NF1: variants seen among roughly 807,000 people sequenced by gnomAD.
The protein encoded by NF1 is neurofibromin.
NF1 carries 122 observed loss-of-function variants against 325.7 expected under a neutral mutation model. The observed-to-expected ratio is 0.37, with a 90% CI of 0.32 to 0.44. The LOEUF is 0.44. Among genes scored for constraint, NF1 ranks in the 20% least tolerant of loss-of-function variants. NF1 has a pLI of 1.00. For synonymous variants in NF1, 1,091 were observed against 1,186.0 expected (o/e 0.92, Z 1.65); for missense variants, 2,140 against 3,415.4 (o/e 0.63, Z 9.31).
chr17:31,324,194 G>A (rs1288295852), intron 36 of NF1, among the ~76,000 whole-genome samples: 2 of 152,062 alleles, frequency 1.3e-5, no homozygotes, highest in Non-Finnish European at 2.9e-5. Flanking sequence ...AGCCTCCCAA[G>A]TAGCTGGGGC....
At chr17:31,224,994 G>T (rs751803753) in intron 16 of NF1, 101 bp from the exon 17 acceptor site, 102 of 1,311,088 alleles carry the variant, frequency 7.8e-5, no homozygotes, top group Non-Finnish European at 8.4e-5. Context: ...GAGAGGAGAG[G>T]TTTTTTAGGA....
intron 8 of NF1, among the ~76,000 whole-genome samples, chr17:31,194,028 A>G (rs2066393179): frequency 6.6e-6 from 1 of 152,188 alleles, no homozygotes; most frequent in Non-Finnish European, 1.5e-5. Context: ...CCAACAATTC[A>G]TTACTGGACG....
chr17:31,264,411 C>CAA (rs777973376), intron 35 of NF1, among the ~76,000 whole-genome samples: 17 of 104,886 alleles, frequency 1.6e-4, no homozygotes, highest in Non-Finnish European at 2.9e-4. Flanking sequence ...AACTCCATCT[C>CAA]AAAAAAAAAA....
At chr17:31,259,679 G>T (rs1437402234) in intron 33 of NF1, among the ~76,000 whole-genome samples, 1 of 152,070 alleles carries the variant, frequency 6.6e-6, no homozygotes, top group Non-Finnish European at 1.5e-5. Context: ...TGAGTTATTG[G>T]TCTATCTGTA....
At chr17:31,159,182 G>A (rs1490596662) in intron 3 of NF1, 89 bp downstream of exon 3, 2 of 928,502 alleles carry the variant, frequency 2.2e-6, no homozygotes, top group East Asian at 4.9e-5. Flanking sequence ...GGACCAAGAG[G>A]ACAGTCCTAT....
intron 1 of NF1, among the ~76,000 whole-genome samples, chr17:31,114,102 A>C (rs908972756): frequency 1.3e-5 from 2 of 152,244 alleles, no homozygotes; most frequent in Non-Finnish European, 2.9e-5. Context: ...GAATTGATTT[A>C]TAAACTTGCC....
chr17:31,232,142 A>G lies in NF1; in HGVS notation c.3267A>G (p.Glu1089=), dbSNP rs1156280518. The change falls in exon 25 of 58, where the codon GAA becomes GAG. Residue 1089 remains glutamate, a synonymous_variant. Coordinates refer to ENST00000358273, the MANE Select transcript of NF1 (RefSeq NM_001042492.3). ...CTGGTCTCCCTCTGCAGCCTGAAGA[A>G]GGAGATGGTGTGGAATTGATGGAAG... ...LLAGLPLQPE[E]GDGVELMEAK... is the part of the protein sequence containing the mutation. 1 of 1,610,828 alleles carries G rather than the reference A, an allele frequency of 6.2e-7. No individual in the cohort carries two copies. Among genetic ancestry groups the G allele is most frequent in the Admixed American group, 1.7e-5 (1 of 59,768 alleles).
intron 48 of NF1, among the ~76,000 whole-genome samples, chr17:31,345,096 C>T (rs1041174491): frequency 1.1e-4 from 16 of 152,132 alleles, no homozygotes; most frequent in African/African-American, 3.9e-4. Context: ...GCACTCCAGC[C>T]TTTGTGACAG....
intron 46 of NF1, among the ~76,000 whole-genome samples, chr17:31,340,060 A>G (rs2069776637): frequency 6.6e-6 from 1 of 152,218 alleles, no homozygotes; most frequent in African/African-American, 2.4e-5. Context: ...TTTTAAGCAG[A>G]CAAGTCATAC....
At position 31,358,627 on chromosome 17, in the gene NF1, A is replaced by G; in HGVS notation, c.8113+5A>G. 1.9e-6 allele frequency: 3 copies of G among 1,614,040 alleles called. No individual in the cohort carries two copies. The highest frequency in any genetic ancestry group is 2.5e-6 in the Non-Finnish European group (3 of 1,179,932). On this transcript the variant is annotated splice_donor_5th_base_variant and intron_variant, in intron 55 of 57. Coordinates refer to ENST00000358273, the MANE Select transcript of NF1 (RefSeq NM_001042492.3). ...ACCAAACATCTTACCTGCAAAGTAAATAAATGTATCTGGAGAAGGATGGTT... is the reference window on the plus strand; with the variant it reads ...ACCAAACATCTTACCTGCAAAGTAAGTAAATGTATCTGGAGAAGGATGGTT...
chr17:31,232,064 T>A lies in NF1; in HGVS notation c.3198-9T>A, dbSNP rs1316749264. ...CTAAATTTTTTTTTTTTTTTTTTTT[T>A]TTTTTCAGAGATTTGGACCAGGCAA... On this transcript the variant is annotated splice_polypyrimidine_tract_variant and intron_variant, in intron 24 of 57. Coordinates refer to ENST00000358273, the MANE Select transcript of NF1 (RefSeq NM_001042492.3). The A allele has an allele frequency of 7.2e-7, 1 of 1,393,790 alleles. No individual in the cohort carries two copies. Among genetic ancestry groups the A allele is most frequent in the Non-Finnish European group, 9.7e-7 (1 of 1,031,318 alleles). The allele number at this position is 1,393,790 out of a possible 1,614,324, so 86.3% of individuals were successfully genotyped here.
intron 36 of NF1, among the ~76,000 whole-genome samples, chr17:31,269,906 G>A (rs1400872523): frequency 6.6e-6 from 1 of 152,170 alleles, no homozygotes; most frequent in Non-Finnish European, 1.5e-5. Context: ...GCCCCTTCCT[G>A]GAATGCAGTG....
At position 31,336,933 on chromosome 17, in the gene NF1, A is replaced by G; in HGVS notation, c.6427+19A>G. ...TTTAGTGGTAAGTTCTAGGAAAGGA[A>G]TTTGTGTTTACCAGTTCCTTTCTCC... is the stretch of plus-strand genomic sequence containing the variant. On this transcript the variant is annotated intron_variant, in intron 42 of 57. Transcript: ENST00000358273. This position sits in a 1 kb window ranked among gnomAD's most constrained non-coding sequence, Gnocchi z 5.5. 6.2e-7 allele frequency: 1 copy of G among 1,604,308 alleles called. No individual in the cohort carries two copies. Among genetic ancestry groups the G allele is most frequent in the African/African-American group, 1.3e-5 (1 of 75,008 alleles).
At chr17:31,097,813 C>T (rs1489577508) in intron 1 of NF1, among the ~76,000 whole-genome samples, 1 of 152,118 alleles carries the variant, frequency 6.6e-6, no homozygotes, top group Non-Finnish European at 1.5e-5. Context: ...TCTCCTGCTT[C>T]AGTCTCCCAA....
At chr17:31,118,640 A>G (rs1174896271) in intron 1 of NF1, among the ~76,000 whole-genome samples, 2 of 152,180 alleles carry the variant, frequency 1.3e-5, no homozygotes, top group Non-Finnish European at 2.9e-5. Flanking sequence ...TTATAGTTGC[A>G]TGGTATTCCA....
chr17:31,155,502 A>G (rs1455758818), intron 1 of NF1, among the ~76,000 whole-genome samples: 2 of 152,210 alleles, frequency 1.3e-5, no homozygotes, highest in Non-Finnish European at 2.9e-5. Flanking sequence ...ATTATTGACA[A>G]GAAGTCTAGG....
chr17:31,158,168 G>A (rs975590271), intron 2 of NF1, among the ~76,000 whole-genome samples: 3 of 152,084 alleles, frequency 2.0e-5, no homozygotes, highest in Non-Finnish European at 4.4e-5. Context: ...ATGAGTGAGA[G>A]CATGTGGTGT....
chr17:31,101,048 C>G (rs1272055822), intron 1 of NF1, among the ~76,000 whole-genome samples: 11 of 151,720 alleles, frequency 7.3e-5, no homozygotes, highest in Admixed American at 7.2e-4. Context: ...TCCTGCAGCT[C>G]TCTCTCTGTG....
intron 17 of NF1, 84 bp from the exon 18 acceptor site, chr17:31,226,351 A>ACACACACACACG (rs2067012828): frequency 2.0e-6 from 3 of 1,531,088 alleles, no homozygotes; most frequent in East Asian, 2.4e-5. Flanking sequence ...ACACACACAC[A>ACACACACACACG]CACACACAGT....
Sources: gnomAD v4.1 joint callset for allele counts (sites outside exome capture counted in the v4.1 genomes callset) on GRCh38, gnomAD v4.1.1 for gene constraint, Gnocchi (gnomAD v3.1) non-coding constraint, MANE v1.5 for transcripts, NCBI Gene and HGNC (gene_info 2026-07-23, HGNC 2026-07-21) for gene names.